Variants in ANKIB1 observed in about 807,000 individuals in gnomAD.
ANKIB1 encodes the protein ankyrin repeat and IBR domain containing 1.
A neutral mutation model predicts 122.1 loss-of-function variants in ANKIB1; 43 were observed. That is an observed-to-expected ratio of 0.35 (90% CI 0.28 to 0.45). The LOEUF (loss-of-function observed/expected upper bound fraction) is 0.45. ANKIB1 is among the 20% of genes least tolerant of loss of function. The pLI, the probability that ANKIB1 is intolerant of heterozygous loss-of-function variation, is 1.00. For missense variants in ANKIB1, 992 were observed against 1,329.5 expected, an observed-to-expected ratio of 0.75 and a Z score of 3.95; for synonymous variants, 390 against 442.0, an observed-to-expected ratio of 0.88 and a Z score of 1.48.
chr7:92,327,981 A>G, intron 5 of ANKIB1, 81 bp downstream of exon 5: 1 of 871,316 alleles, frequency 1.1e-6, no homozygotes, highest in Non-Finnish European at 1.8e-6. Context: ...CTATTTTTGT[A>G]TTTGAATACA....
At chr7:92,263,252 A>G (rs1040227403) in intron 1 of ANKIB1, among the ~76,000 whole-genome samples, 6 of 152,220 alleles carry the variant, frequency 3.9e-5, no homozygotes, top group African/African-American at 1.4e-4. Flanking sequence ...ATTCTGTAAT[A>G]TTAAACCTGT....
chr7:92,359,658 A>G (rs570527264), intron 9 of ANKIB1, among the ~76,000 whole-genome samples: 5 of 152,326 alleles, frequency 3.3e-5, no homozygotes, highest in Admixed American at 2.6e-4. Context: ...GTCTTCCACA[A>G]TGGTTGAACT....
chr7:92,309,942 A>AAAAAAAAAAAAATAT (rs1335765681), intron 3 of ANKIB1, among the ~76,000 whole-genome samples: 2 of 91,790 alleles, frequency 2.2e-5, no homozygotes, highest in East Asian at 4.6e-4. Context: ...AAAAAAAAAA[A>AAAAAAAAAAAAATAT]ATATATATAT....
Position 92,246,192 on chromosome 7 carries a change from C to T in ANKIB1, c.-418C>T. The T allele has an allele frequency of 5.5e-6, 2 of 362,560 alleles. No homozygotes were observed. Among genetic ancestry groups the T allele is most frequent in the South Asian group, 1.9e-5 (1 of 52,292 alleles). The allele number at this position is 362,560 out of a possible 1,614,324, so 22.5% of individuals were successfully genotyped here. A position where few individuals can be genotyped will look rare whatever the true frequency, so the allele number is the denominator to read the frequency against. On this transcript the variant is annotated 5_prime_UTR_variant, in exon 1 of 20. Coordinates refer to ENST00000265742, the MANE Select transcript of ANKIB1 (RefSeq NM_019004.2). Reference sequence around the variant, plus strand: ...GCCGGGCTTGACCGCGAGGCGGAGGCAAGAGCCACCGCCCCCTCTTCCCCT... The same window carrying T: ...GCCGGGCTTGACCGCGAGGCGGAGGTAAGAGCCACCGCCCCCTCTTCCCCT...
At chr7:92,354,625 A>G (rs749365192) in intron 9 of ANKIB1, among the ~76,000 whole-genome samples, 6 of 152,190 alleles carry the variant, frequency 3.9e-5, no homozygotes, top group Non-Finnish European at 8.8e-5. Context: ...ATTAAGTTAT[A>G]GGATGGATTT....
rs76318974 is a variant in ANKIB1 at position 92,319,802 on chromosome 7, G to A, written c.669+290G>A. 0.011 allele frequency: 3,348 copies of A among 297,276 alleles called. 33 individuals are homozygous for A. Among genetic ancestry groups the A allele is most frequent in the Non-Finnish European group, 0.014 (2,205 of 160,452 alleles). 18.4% of individuals were successfully genotyped at this position (297,276 alleles called of 1,614,324 possible). On this transcript the variant is annotated intron_variant, in intron 4 of 19. Transcript: ENST00000265742. ...TTTTAAAAATTTGCCAGGAATGGTG[G>A]CCCACACTCATTGTCCTAACTACTC...
chr7:92,269,487 C>T (rs1169898608), intron 1 of ANKIB1, among the ~76,000 whole-genome samples: 1 of 152,196 alleles, frequency 6.6e-6, no homozygotes, highest in African/African-American at 2.4e-5. Flanking sequence ...ACTGATTACT[C>T]AGTAACAGCA....
At chr7:92,363,999 T>G (rs1804012311) in intron 10 of ANKIB1, among the ~76,000 whole-genome samples, 1 of 152,164 alleles carries the variant, frequency 6.6e-6, no homozygotes, top group African/African-American at 2.4e-5. Context: ...GTCCTGTTCA[T>G]GCACCGTTTA....
chr7:92,341,859 A>G (rs1276188804), intron 5 of ANKIB1, among the ~76,000 whole-genome samples: 4 of 152,128 alleles, frequency 2.6e-5, no homozygotes, highest in Admixed American at 2.6e-4. Flanking sequence ...TTAACCACAC[A>G]TTTTCAACTT....
At chr7:92,311,630 T>G (rs918304300) in intron 3 of ANKIB1, among the ~76,000 whole-genome samples, 18 of 152,250 alleles carry the variant, frequency 1.2e-4, no homozygotes, top group Middle Eastern at 3.4e-3. Flanking sequence ...AACAGTTTCT[T>G]ATAGCTCATT....
At chr7:92,365,978 G>A (rs537957882) in intron 10 of ANKIB1, among the ~76,000 whole-genome samples, 2 of 151,354 alleles carry the variant, frequency 1.3e-5, no homozygotes, top group African/African-American at 4.8e-5. Flanking sequence ...TGTATTTTTA[G>A]TAGAGACGGG....
chr7:92,351,203 T>G, intron 8 of ANKIB1, 109 bp downstream of exon 8: 1 of 951,598 alleles, frequency 1.1e-6, no homozygotes, highest in Non-Finnish European at 1.4e-6. Flanking sequence ...AAATAATGGC[T>G]CTTTTGTTAG....
In ANKIB1 at chr7:92,269,494, A is replaced by G. The variant is rs564148624; in HGVS notation, c.-91+22975A>G. ...ATTCACATACTGATTACTCAGTAAC[A>G]GCATCTGAATTTGTGAAGAATATTT... On this transcript the variant is annotated intron_variant, in intron 1 of 19. Transcript: ENST00000265742. Among the ~76,000 whole-genome samples the G allele has an allele frequency of 8.5e-4, 129 of 152,376 alleles. 1 individual carries two copies. The highest frequency in any genetic ancestry group is 2.8e-3 in the African/African-American group (115 of 41,586).
chr7:92,257,622 G>T (rs996905683), intron 1 of ANKIB1, among the ~76,000 whole-genome samples: 3 of 152,100 alleles, frequency 2.0e-5, no homozygotes, highest in African/African-American at 7.2e-5. Context: ...GAGAAACCCC[G>T]TCTCCACTAA....
intron 1 of ANKIB1, among the ~76,000 whole-genome samples, chr7:92,261,607 C>T (rs1801567520): frequency 6.6e-6 from 1 of 151,980 alleles, no homozygotes; most frequent in Admixed American, 6.5e-5. Flanking sequence ...TCATATTCTC[C>T]AAGAAATGTT....
intron 1 of ANKIB1, among the ~76,000 whole-genome samples, chr7:92,248,600 C>T (rs1355833859): frequency 1.3e-5 from 2 of 152,112 alleles, no homozygotes; most frequent in South Asian, 2.1e-4. Context: ...TAATTTTTCC[C>T]CCATTGAGGA....
intron 11 of ANKIB1, among the ~76,000 whole-genome samples, chr7:92,378,480 C>CAA (rs146294657): frequency 0.15 from 11,901 of 80,218 alleles, 675 homozygotes; most frequent in East Asian, 0.41. Flanking sequence ...AGCTATTTGA[C>CAA]AAAAAAAAAA....
chr7:92,246,524 G>A lies in ANKIB1; in HGVS notation c.-91+5G>A. On this transcript the variant is annotated splice_donor_5th_base_variant and intron_variant, in intron 1 of 19. Transcript: ENST00000265742. ...CCCTCAGCGAGAGAAGTAACCGTAA[G>A]TCTCAGCTTCGCGGTACAGATGTGT... 1 of 518,294 alleles carries A rather than the reference G, an allele frequency of 1.9e-6. No individual in the cohort carries two copies. The highest frequency in any genetic ancestry group is 1.4e-5 in the South Asian group (1 of 71,414). The allele number at this position is 518,294 out of a possible 1,614,324, so 32.1% of individuals were successfully genotyped here. A position where few individuals can be genotyped will look rare whatever the true frequency, so the allele number is the denominator to read the frequency against.
chr7:92,361,765 G>A (rs1803951586), intron 9 of ANKIB1, among the ~76,000 whole-genome samples: 1 of 150,890 alleles, frequency 6.6e-6, no homozygotes, highest in African/African-American at 2.4e-5. Context: ...TAGTCACCGT[G>A]CCTTACTTTT....
Sources: allele counts gnomAD v4.1 joint callset (sites outside exome capture counted in the v4.1 genomes callset), GRCh38; gene constraint gnomAD v4.1.1; transcripts MANE v1.5; gene names NCBI Gene and HGNC (gene_info 2026-07-23, HGNC 2026-07-21).